TPX2: variants seen among roughly 807,000 people sequenced by gnomAD.
The protein encoded by TPX2 is targeting protein for Xklp2.
A neutral mutation model predicts 93.6 loss-of-function variants in TPX2; 21 were observed. The observed-to-expected ratio is 0.22, with a 90% CI of 0.16 to 0.32. The LOEUF (loss-of-function observed/expected upper bound fraction) is 0.32, where lower values mean the gene tolerates loss of function less well. Among genes scored for constraint, TPX2 ranks in the 10% least tolerant of loss-of-function variants. The pLI, the probability that TPX2 is intolerant of heterozygous loss-of-function variation, is 1.00. For synonymous variants in TPX2, 281 were observed against 298.3 expected, an observed-to-expected ratio of 0.94 and a Z score of 0.60; for missense variants, 776 against 871.1, an observed-to-expected ratio of 0.89 and a Z score of 1.37.
intron 2 of TPX2, among the ~76,000 whole-genome samples, chr20:31,755,375 C>T (rs943463712): frequency 5.3e-5 from 8 of 152,012 alleles, no homozygotes; most frequent in Admixed American, 4.6e-4. Flanking sequence ...TGAGCCACTG[C>T]GCCACACTAG....
intron 10 of TPX2, chr20:31,780,930 G>T: frequency 2.5e-6 from 1 of 406,264 alleles, no homozygotes; most frequent in Admixed American, 3.1e-5. Context: ...TTCTTGTTTT[G>T]CTTTTTAGAG....
intron 13 of TPX2, among the ~76,000 whole-genome samples, chr20:31,793,268 G>A (rs1281870522): frequency 3.9e-5 from 6 of 152,262 alleles, no homozygotes; most frequent in East Asian, 3.9e-4. Flanking sequence ...TGTGGTGATC[G>A]TTTATGGAAT....
In TPX2 at chr20:31,757,461, C is replaced by T. The variant is rs372336580; in HGVS notation, c.-16C>T. On this transcript the variant is annotated 5_prime_UTR_variant, in exon 3 of 18. Coordinates refer to ENST00000300403, the MANE Select transcript of TPX2 (RefSeq NM_012112.5). ...ATACTGGGAAAAACCTGCTCTTCTGCGTTAAGTGGGAGACAATGTCACAAG... is the reference window on the plus strand; with the variant it reads ...ATACTGGGAAAAACCTGCTCTTCTGTGTTAAGTGGGAGACAATGTCACAAG... 2.4e-4 allele frequency: 386 copies of T among 1,604,812 alleles called. No homozygotes were observed. Among genetic ancestry groups the T allele is most frequent in the Non-Finnish European group, 3.1e-4 (362 of 1,172,616 alleles).
chr20:31,794,551 AG>A lies in TPX2; in HGVS notation c.1833+7del. The stretch of plus-strand genomic sequence containing the variant: ...AGGCACAGACTTGGAAGCACCAGGT[AG>A]GGGATGGGGAGAGCAGCCAAAATGT... On this transcript the variant is annotated splice_donor_region_variant and intron_variant, in intron 15 of 17. Transcript: ENST00000300403. 6.2e-7 allele frequency: 1 copy of A among 1,613,658 alleles called. No homozygotes were observed. The highest frequency in any genetic ancestry group is 8.5e-7 in the Non-Finnish European group (1 of 1,179,886).
intron 12 of TPX2, among the ~76,000 whole-genome samples, chr20:31,790,209 A>AT (rs1411980305): frequency 6.6e-6 from 1 of 152,232 alleles, no homozygotes. Flanking sequence ...AAGATCTGCT[A>AT]TATTGGATTT....
At chr20:31,740,020 A>G (rs946358457) in intron 1 of TPX2, among the ~76,000 whole-genome samples, 2 of 152,126 alleles carry the variant, frequency 1.3e-5, no homozygotes, top group Non-Finnish European at 2.9e-5. Flanking sequence ...TGTTATCCAT[A>G]TTTGTCCAGC....
chr20:31,759,521 T>G (rs879940998), intron 3 of TPX2, among the ~76,000 whole-genome samples: 1 of 151,552 alleles, frequency 6.6e-6, no homozygotes, highest in Non-Finnish European at 1.5e-5. Flanking sequence ...TGCCTCAGCT[T>G]CTCAAGTAGC....
At chr20:31,787,311 A>G (rs2062073193) in intron 12 of TPX2, among the ~76,000 whole-genome samples, 1 of 150,834 alleles carries the variant, frequency 6.6e-6, no homozygotes, top group Admixed American at 6.6e-5. Flanking sequence ...ATTTTGGCAA[A>G]TGAGGTTTCT....
rs1397197705 is a variant in TPX2 at position 31,792,774 on chromosome 20, A to C, written c.1453A>C (p.Lys485Gln). The C allele has an allele frequency of 1.1e-5, 17 of 1,614,236 alleles. No individual in the cohort carries two copies. The highest frequency in any genetic ancestry group is 1.4e-5 in the Non-Finnish European group (17 of 1,180,034). Residue 485 changes from lysine to glutamine, a missense_variant, in exon 13 of 18, where the codon AAG becomes CAG. Lys to Gln is a moderately conservative substitution (Grantham distance 53). Transcript: ENST00000300403. ...GAAGGTACTTCCAATCACCGTCCCCAAGTCACCAGCCTTTGCATTGAAGAA... is the reference window on the plus strand; with the variant it reads ...GAAGGTACTTCCAATCACCGTCCCCCAGTCACCAGCCTTTGCATTGAAGAA... ...EKKVLPITVP[K>Q]SPAFALKNRI...
chr20:31,742,936 C>T (rs986154571), intron 2 of TPX2, among the ~76,000 whole-genome samples: 2 of 152,062 alleles, frequency 1.3e-5, no homozygotes, highest in Non-Finnish European at 2.9e-5. Flanking sequence ...CATATGCGGC[C>T]GGTTACTGTG....
At position 31,791,433 on chromosome 20, in the gene TPX2, G is replaced by A. The variant is rs562630994; in HGVS notation, c.1414-1302G>A. Among the ~76,000 whole-genome samples the A allele has an allele frequency of 5.3e-5, 8 of 152,148 alleles. No individual in the cohort carries two copies. The South Asian group carries it at 8.3e-4, about 16-fold the overall frequency. ...CGAGTAGCTGGGACTACAGGCACCC[G>A]CCACCATGCCCGGCTAATTTTTTTG... is the stretch of plus-strand genomic sequence containing the variant. On this transcript the variant is annotated intron_variant, in intron 12 of 17. Transcript: ENST00000300403.
rs1287341920 is a variant in TPX2 at position 31,783,749 on chromosome 20, G to T, written c.1241G>T (p.Gly414Val). Reference protein sequence around the residue: ...ARELDPRILEGGPILPKKPPV... With the variant: ...ARELDPRILEVGPILPKKPPV... ...GAACTTGATCCCAGAATACTTGAAG[G>T]TGGGCCCATCTTGCCCAAGAAACCA... is the stretch of plus-strand genomic sequence containing the variant. Residue 414 changes from glycine to valine, a missense_variant, in exon 12 of 18, where the codon GGT becomes GTT. By Grantham distance (109) the Gly-to-Val change is moderately radical. Transcript: ENST00000300403. 1.9e-6 allele frequency: 3 copies of T among 1,612,720 alleles called. No individual in the cohort carries two copies. The highest frequency in any genetic ancestry group is 2.5e-6 in the Non-Finnish European group (3 of 1,179,634).
At chr20:31,795,554 T>C (rs1441376457) in intron 15 of TPX2, among the ~76,000 whole-genome samples, 2 of 152,280 alleles carry the variant, frequency 1.3e-5, no homozygotes, top group African/African-American at 2.4e-5. Context: ...CACCTGGGAA[T>C]GTCCCCTGCT....
Position 31,801,672 on chromosome 20 carries a change from A to G in TPX2, c.*592A>G, listed in dbSNP as rs1291167407. The G allele has an allele frequency of 1.3e-5, 2 of 152,206 alleles. No homozygotes were observed. Among genetic ancestry groups the G allele is most frequent in the African/African-American group, 2.4e-5 (1 of 41,444 alleles). The allele number at this position is 152,206 out of a possible 1,614,324, so 9.4% of individuals were successfully genotyped here. On this transcript the variant is annotated 3_prime_UTR_variant, in exon 18 of 18. Coordinates refer to ENST00000300403, the MANE Select transcript of TPX2 (RefSeq NM_012112.5). ...ATTCATGGGGAGCCTCACAGCAGCC[A>G]CGCAGCAGGCTCTGGGTGGGGCTGC... is the stretch of plus-strand genomic sequence containing the variant.
At chr20:31,795,722 T>G (rs1369436752) in intron 15 of TPX2, among the ~76,000 whole-genome samples, 1 of 152,284 alleles carries the variant, frequency 6.6e-6, no homozygotes, top group Non-Finnish European at 1.5e-5. Context: ...TAGATTGAAA[T>G]ATACAATGCT....
chr20:31,747,528 G>T (rs531010808), intron 2 of TPX2, among the ~76,000 whole-genome samples: 1 of 152,180 alleles, frequency 6.6e-6, no homozygotes, highest in African/African-American at 2.4e-5. Flanking sequence ...TATAAGACAC[G>T]ATGGATGGCA....
At chr20:31,784,253 G>GTAC (rs1459432559) in intron 12 of TPX2, among the ~76,000 whole-genome samples, 1 of 152,218 alleles carries the variant, frequency 6.6e-6, no homozygotes, top group African/African-American at 2.4e-5. Flanking sequence ...CCTTGACGAT[G>GTAC]TACTGTAGTA....
chr20:31,740,722 G>A (rs2061748671), intron 1 of TPX2, among the ~76,000 whole-genome samples: 1 of 152,150 alleles, frequency 6.6e-6, no homozygotes, highest in Non-Finnish European at 1.5e-5. Context: ...TTGTATTCTA[G>A]GTGTCTGGAC....
chr20:31,768,062 G>A (rs2061939928), intron 5 of TPX2, among the ~76,000 whole-genome samples: 1 of 151,676 alleles, frequency 6.6e-6, no homozygotes, highest in Non-Finnish European at 1.5e-5. Flanking sequence ...CTCCTGAGTA[G>A]TGGAGACTAC....
Sources: gnomAD v4.1 joint callset for allele counts (sites outside exome capture counted in the v4.1 genomes callset) on GRCh38, gnomAD v4.1.1 for gene constraint, MANE v1.5 for transcripts, NCBI Gene and HGNC (gene_info 2026-07-23, HGNC 2026-07-21) for gene names.